The following CIITA variants were observed in gnomAD, a reference collection of about 807,000 sequenced individuals.
The protein encoded by CIITA is class II major histocompatibility complex transactivator.
Under a neutral mutation model 115.1 loss-of-function variants are expected in CIITA, and 72 were observed. The ratio of observed to expected loss-of-function variants is 0.63; its 90% CI spans 0.52 to 0.76. The LOEUF (loss-of-function observed/expected upper bound fraction) is 0.76, where lower values mean the gene tolerates loss of function less well. Among genes scored for constraint, CIITA ranks in the 30% least tolerant of loss-of-function variants. CIITA has a pLI of 0.00. For synonymous variants in CIITA, 763 were observed against 635.6 expected, an observed-to-expected ratio of 1.20 and a Z score of -3.02; for missense variants, 1,617 against 1,463.8, an observed-to-expected ratio of 1.10 and a Z score of -1.71.
At chr16:10,902,561 C>A in intron 7 of CIITA, 97 bp from the exon 8 acceptor site, 1 of 1,491,576 alleles carries the variant, frequency 6.7e-7, no homozygotes, top group South Asian at 1.2e-5. Context: ...AAATTAGGGC[C>A]CTTTAGGGGG....
At chr16:10,884,085 T>C (rs1209900303) in intron 1 of CIITA, among the ~76,000 whole-genome samples, 1 of 137,708 alleles carries the variant, frequency 7.3e-6, no homozygotes, top group Non-Finnish European at 1.5e-5. Context: ...AGATACATGA[T>C]GTAATGTATA....
At chr16:10,916,568 C>T in intron 15 of CIITA, 109 bp downstream of exon 15, 1 of 931,082 alleles carries the variant, frequency 1.1e-6, no homozygotes, top group South Asian at 1.4e-5. Flanking sequence ...CGCTGTGTCA[C>T]CCAGGCTAGA....
At chr16:10,909,756 C>T (rs2039428087) in intron 12 of CIITA, among the ~76,000 whole-genome samples, 4 of 152,118 alleles carry the variant, frequency 2.6e-5, no homozygotes, top group Admixed American at 2.6e-4. Flanking sequence ...TTCTTAAAGA[C>T]AGGGTCTCGC....
Position 10,902,802 on chromosome 16 carries a change from G to T in CIITA, c.772+1G>T. On this transcript the variant is annotated splice_donor_variant, in intron 8 of 19. Transcript: ENST00000324288. LOFTEE classifies it high-confidence loss of function. Reference sequence around the variant, plus strand: ...GTCTCCAGTATATTCATCTACCATGGTGAGTGCGGGGCCTGGCTCCCCGAC... The same window carrying T: ...GTCTCCAGTATATTCATCTACCATGTTGAGTGCGGGGCCTGGCTCCCCGAC... 6.2e-7 allele frequency: 1 copy of T among 1,614,112 alleles called. No homozygotes were observed. Among genetic ancestry groups the T allele is most frequent in the Non-Finnish European group, 8.5e-7 (1 of 1,180,016 alleles).
chr16:10,902,947 C>T, intron 8 of CIITA, 146 bp downstream of exon 8: 1 of 1,029,728 alleles, frequency 9.7e-7, no homozygotes, highest in Admixed American at 2.1e-5. Flanking sequence ...TTCTCTGTCC[C>T]TATTTCCCAA....
chr16:10,887,171 A>G (rs1265956478), intron 1 of CIITA, among the ~76,000 whole-genome samples: 1 of 152,176 alleles, frequency 6.6e-6, no homozygotes, highest in Non-Finnish European at 1.5e-5. Context: ...AGGCATTCCT[A>G]GGCCCCTGGC....
At chr16:10,896,745 G>A (rs1002530070) in intron 3 of CIITA, among the ~76,000 whole-genome samples, 9 of 152,218 alleles carry the variant, frequency 5.9e-5, no homozygotes, top group South Asian at 2.1e-4. Flanking sequence ...CTTCTTAGTG[G>A]TCTTCTTCCT....
chr16:10,923,341 T>A lies in CIITA; in HGVS notation c.*22+16T>A. ...TCTGGACAGGGTAACCAGGGTGGGC[T>A]TGGGAGGGGAGAGCCGCAGTGGGTT... On this transcript the variant is annotated intron_variant, in intron 19 of 19. Transcript: ENST00000324288. This position sits in a 1 kb window ranked among gnomAD's most constrained non-coding sequence, Gnocchi z 5.2. The A allele has an allele frequency of 6.8e-7, 1 of 1,461,056 alleles. No homozygotes were observed. Among genetic ancestry groups the A allele is most frequent in the Non-Finnish European group, 9.6e-7 (1 of 1,042,370 alleles). 90.5% of individuals were successfully genotyped at this position (1,461,056 alleles called of 1,614,324 possible).
intron 1 of CIITA, among the ~76,000 whole-genome samples, chr16:10,886,082 T>A (rs1251417732): frequency 2.1e-5 from 3 of 141,486 alleles, no homozygotes; most frequent in Admixed American, 1.5e-4. Context: ...TTAGATGGAG[T>A]CTCACTCTGT....
At chr16:10,872,548 C>A (rs758375696), upstream of CIITA, among the ~76,000 whole-genome samples, 2 of 152,244 alleles carry the variant, frequency 1.3e-5, no homozygotes, top group Admixed American at 1.3e-4. Context: ...CCTACCTAAT[C>A]ACCCATATAT....
chr16:10,878,584 G>A (rs894970572), intron 1 of CIITA, among the ~76,000 whole-genome samples: 27 of 152,344 alleles, frequency 1.8e-4, no homozygotes, highest in Admixed American at 1.6e-3. Context: ...CAGGGGCCAT[G>A]TGCCCTCGGA....
intron 1 of CIITA, among the ~76,000 whole-genome samples, chr16:10,870,055 A>G (rs1028865892): frequency 6.9e-6 from 1 of 144,608 alleles, no homozygotes; most frequent in African/African-American, 2.6e-5. Context: ...CATTATTCCT[A>G]CTTTACCAAT....
At chr16:10,913,699 G>T (rs62028123) in intron 13 of CIITA, among the ~76,000 whole-genome samples, 35,459 of 151,548 alleles carry the variant, frequency 0.23, 4,767 homozygotes, top group South Asian at 0.37. Context: ...CAGCACTTTG[G>T]GAGGCCGAGG....
chr16:10,895,896 AG>A, intron 3 of CIITA, 132 bp downstream of exon 3: 1 of 909,476 alleles, frequency 1.1e-6, no homozygotes, highest in Non-Finnish European at 1.8e-6. Context: ...GGGGATGCGG[AG>A]CAATGGCTGG....
intron 10 of CIITA, among the ~76,000 whole-genome samples, chr16:10,905,839 GA>G (rs1363586809): frequency 2.6e-5 from 4 of 152,058 alleles, no homozygotes; most frequent in Non-Finnish European, 5.9e-5. Context: ...AATGGGTGTG[GA>G]AATGAGTGAA....
rs144572023 is a variant in CIITA, at chr16:10,927,681, C to A, written c.*3826C>A. 2 of 152,154 alleles carry A rather than the reference C, an allele frequency of 1.3e-5. No homozygotes were observed. The highest frequency in any genetic ancestry group is 2.9e-5 in the Non-Finnish European group (2 of 68,024). 9.4% of individuals were successfully genotyped at this position (152,154 alleles called of 1,614,324 possible). A position where few individuals can be genotyped will look rare whatever the true frequency, so the allele number is the denominator to read the frequency against. On this transcript the variant is annotated 3_prime_UTR_variant, in exon 20 of 20. Coordinates refer to ENST00000324288, the MANE Select transcript of CIITA (RefSeq NM_000246.4). ...CCAAACTGGGAGTCCTGGTGTGGAG[C>A]CTTTTAACCCAGAGGGGCATCTTTT...
intron 13 of CIITA, among the ~76,000 whole-genome samples, chr16:10,911,599 G>A (rs2039588789): frequency 2.0e-5 from 3 of 150,422 alleles, no homozygotes; most frequent in Admixed American, 1.3e-4. Context: ...CTGTCCCTCA[G>A]GCTGGAGTTC....
intron 13 of CIITA, among the ~76,000 whole-genome samples, chr16:10,914,681 C>T (rs1052243353): frequency 6.6e-6 from 1 of 152,186 alleles, no homozygotes; most frequent in African/African-American, 2.4e-5. Flanking sequence ...CTGTGTGACC[C>T]TGTGTGAGCT....
chr16:10,922,352 G>C (rs547116656), intron 17 of CIITA, 55 bp from the exon 18 acceptor site: 2 of 1,612,140 alleles, frequency 1.2e-6, no homozygotes, highest in East Asian at 4.5e-5. Flanking sequence ...GGTGGCCTTG[G>C]TCTGGAGCTG....
Sources: gnomAD v4.1 joint callset for allele counts (sites outside exome capture counted in the v4.1 genomes callset) on GRCh38, gnomAD v4.1.1 for gene constraint, Gnocchi (gnomAD v3.1) non-coding constraint, MANE v1.5 for transcripts, NCBI Gene and HGNC (gene_info 2026-07-23, HGNC 2026-07-21) for gene names.